MRPS28: variants seen among roughly 807,000 people sequenced by gnomAD.
MRPS28 encodes the protein small ribosomal subunit protein bS1m.
MRPS28 carries 7 observed loss-of-function variants against 10.8 expected under a neutral mutation model. The ratio of observed to expected loss-of-function variants is 0.65; its 90% CI spans 0.37 to 1.22. The LOEUF is 1.22. Ranked by LOEUF, MRPS28 falls within the 50% of genes most tolerant of loss-of-function variation. MRPS28 has a pLI of 0.02. For synonymous variants in MRPS28, 121 were observed against 93.3 expected (o/e 1.30, Z -1.71); for missense variants, 265 against 232.9 (o/e 1.14, Z -0.90).
At chr8:79,992,497 G>A (rs1808394083) in intron 2 of MRPS28, among the ~76,000 whole-genome samples, 1 of 152,142 alleles carries the variant, frequency 6.6e-6, no homozygotes, top group Non-Finnish European at 1.5e-5. Context: ...CTCCTTTGAA[G>A]AAGCCAGATG....
intron 2 of MRPS28, among the ~76,000 whole-genome samples, chr8:79,946,004 T>C (rs1027956168): frequency 3.9e-5 from 6 of 152,026 alleles, no homozygotes; most frequent in African/African-American, 4.8e-5. Context: ...AACCACTAAT[T>C]TGTGTTAGGG....
At chr8:79,994,692 T>A (rs930153694) in intron 2 of MRPS28, among the ~76,000 whole-genome samples, 1 of 152,182 alleles carries the variant, frequency 6.6e-6, no homozygotes, top group African/African-American at 2.4e-5. Flanking sequence ...GCCAGAATGA[T>A]CTCACTGAAA....
At chr8:79,955,401 C>CTAGA (rs899919938) in intron 2 of MRPS28, among the ~76,000 whole-genome samples, 1 of 152,184 alleles carries the variant, frequency 6.6e-6, no homozygotes, top group African/African-American at 2.4e-5. Context: ...ATCTCCTTAG[C>CTAGA]TAGATCCTCT....
intron 2 of MRPS28, among the ~76,000 whole-genome samples, chr8:79,936,467 T>A (rs1806607786): frequency 6.6e-6 from 1 of 152,242 alleles, no homozygotes; most frequent in South Asian, 2.1e-4. Context: ...GAATGTTTTA[T>A]ACCAATTTGT....
chr8:79,932,536 T>C (rs1806489600), intron 2 of MRPS28, among the ~76,000 whole-genome samples: 1 of 152,162 alleles, frequency 6.6e-6, no homozygotes, highest in Non-Finnish European at 1.5e-5. Context: ...AGGCAGGCCA[T>C]GTAAGGCTTC....
At chr8:79,998,452 T>G (rs947157363) in intron 2 of MRPS28, among the ~76,000 whole-genome samples, 1 of 152,242 alleles carries the variant, frequency 6.6e-6, no homozygotes, top group South Asian at 2.1e-4. Context: ...TCACTCTAAG[T>G]AGATCAAATT....
At chr8:79,976,227 G>A (rs1035134457) in intron 2 of MRPS28, among the ~76,000 whole-genome samples, 3 of 152,028 alleles carry the variant, frequency 2.0e-5, no homozygotes, top group African/African-American at 7.3e-5. Flanking sequence ...GGGATTACAG[G>A]CATGTGCCAC....
chr8:79,960,638 T>C (rs991395633), intron 2 of MRPS28, among the ~76,000 whole-genome samples: 1 of 152,142 alleles, frequency 6.6e-6, no homozygotes, highest in African/African-American at 2.4e-5. Flanking sequence ...ATGTGTGGCT[T>C]AGTTTTATTA....
intron 2 of MRPS28, among the ~76,000 whole-genome samples, chr8:79,981,222 T>G (rs904518750): frequency 6.6e-6 from 1 of 152,104 alleles, no homozygotes; most frequent in African/African-American, 2.4e-5. Flanking sequence ...CCCAGCTACT[T>G]GCAGGGCTGA....
chr8:79,982,615 C>T (rs1212217845), intron 2 of MRPS28, among the ~76,000 whole-genome samples: 3 of 152,196 alleles, frequency 2.0e-5, no homozygotes, highest in African/African-American at 7.2e-5. Flanking sequence ...AGATTATATC[C>T]TGCACCTGGC....
chr8:79,923,539 AT>A (rs954587615), intron 2 of MRPS28, among the ~76,000 whole-genome samples: 1 of 152,002 alleles, frequency 6.6e-6, no homozygotes, highest in Non-Finnish European at 1.5e-5. Flanking sequence ...TATTTTTTAC[AT>A]TTTTTTTAAT....
In MRPS28 at chr8:79,982,990, CG is replaced by C. The variant is rs1563533128; in HGVS notation, c.395+20008del. Among the ~76,000 whole-genome samples the C allele has an allele frequency of 5.9e-4, 60 of 102,414 alleles. 2 individuals are homozygous for C. Among genetic ancestry groups the C allele is most frequent in the Non-Finnish European group, 1.1e-3 (56 of 51,936 alleles). 67.2% of individuals were successfully genotyped at this position (102,414 alleles called of 152,430 possible). On this transcript the variant is annotated intron_variant, in intron 2 of 2. Transcript: ENST00000276585. ...AAGTGGGTCCCTGACGCCTGACCCC[CG>C]ACCCCCGAGCAGCCTAACTGGGAGG...
At chr8:79,975,008 G>A (rs1807755219) in intron 2 of MRPS28, among the ~76,000 whole-genome samples, 1 of 152,228 alleles carries the variant, frequency 6.6e-6, no homozygotes. Flanking sequence ...AATAAGGCTA[G>A]GCACAGTAGC....
chr8:79,923,826 T>TAA (rs773395032), intron 2 of MRPS28, among the ~76,000 whole-genome samples: 3 of 152,198 alleles, frequency 2.0e-5, no homozygotes, highest in Non-Finnish European at 1.5e-5. Context: ...TATGCTGCAG[T>TAA]AAACGAGACT....
At chr8:79,962,363 C>T (rs1807394319) in intron 2 of MRPS28, among the ~76,000 whole-genome samples, 1 of 152,112 alleles carries the variant, frequency 6.6e-6, no homozygotes, top group Admixed American at 6.6e-5. Flanking sequence ...GCTTACAGGA[C>T]TCTGGTTCAA....
chr8:79,960,863 T>C (rs536006284), intron 2 of MRPS28, among the ~76,000 whole-genome samples: 1 of 152,228 alleles, frequency 6.6e-6, no homozygotes, highest in Non-Finnish European at 1.5e-5. Flanking sequence ...TTTTAAGATT[T>C]AGGTGCTTTA....
At chr8:79,919,878 A>G (rs981063901) in intron 2 of MRPS28, among the ~76,000 whole-genome samples, 7 of 151,972 alleles carry the variant, frequency 4.6e-5, no homozygotes, top group African/African-American at 9.7e-5. Flanking sequence ...TACATGTGCC[A>G]TGTTGGTGTG....
At chr8:79,978,048 T>C (rs1807849855) in intron 2 of MRPS28, among the ~76,000 whole-genome samples, 1 of 152,136 alleles carries the variant, frequency 6.6e-6, no homozygotes, top group Non-Finnish European at 1.5e-5. Flanking sequence ...CACATCATAA[T>C]GTAATTAGTT....
intron 2 of MRPS28, among the ~76,000 whole-genome samples, chr8:79,920,640 T>C (rs904654642): frequency 2.0e-5 from 3 of 152,136 alleles, no homozygotes; most frequent in African/African-American, 7.2e-5. Flanking sequence ...GATGGGGTTG[T>C]TTTTTTCTTG....
Sources: allele counts gnomAD v4.1 joint callset (sites outside exome capture counted in the v4.1 genomes callset), GRCh38; gene constraint gnomAD v4.1.1; transcripts MANE v1.5; gene names NCBI Gene and HGNC (gene_info 2026-07-23, HGNC 2026-07-21).